GPC5: variants seen among roughly 807,000 people sequenced by gnomAD.
The protein encoded by GPC5 is glypican-5.
GPC5 carries 47 observed loss-of-function variants against 53.9 expected under a neutral mutation model. The ratio of observed to expected loss-of-function variants is 0.87; its 90% CI spans 0.69 to 1.11. The LOEUF (loss-of-function observed/expected upper bound fraction) is 1.11, where lower values mean the gene tolerates loss of function less well. GPC5 is among the 50% of genes most tolerant of loss of function. The probability of loss-of-function intolerance (pLI) is 0.00; values close to 1 mark genes in which losing one functional copy is unlikely to be tolerated. For missense variants in GPC5, 748 were observed against 713.1 expected (o/e 1.05, Z -0.56); for synonymous variants, 286 against 263.3 (o/e 1.09, Z -0.84).
chr13:92,072,854 A>G (rs2041224425), intron 6 of GPC5, among the ~76,000 whole-genome samples: 1 of 152,208 alleles, frequency 6.6e-6, no homozygotes, highest in Non-Finnish European at 1.5e-5. Flanking sequence ...TACAGGCATG[A>G]AGCACCATGA....
intron 7 of GPC5, among the ~76,000 whole-genome samples, chr13:92,255,674 T>G (rs9589464): frequency 0.015 from 2,253 of 152,266 alleles, 53 homozygotes; most frequent in African/African-American, 0.051. Context: ...ATTTCTTCAT[T>G]AGATCTCTTA....
At position 92,231,944 on chromosome 13, in the gene GPC5, C is replaced by A. The variant is rs141032915; in HGVS notation, c.1561+86955C>A. ...TCGCGCCACTGCATTCCAGTCTGGG[C>A]AGAAGAGCGAAACTCCATCTCAAAA... On this transcript the variant is annotated intron_variant, in intron 7 of 7. Transcript: ENST00000377067. 9.7e-3 allele frequency among the ~76,000 whole-genome samples: 1,480 copies of A among 152,154 alleles called. 26 individuals are homozygous for A. Among genetic ancestry groups the A allele is most frequent in the African/African-American group, 0.033 (1,390 of 41,522 alleles).
At chr13:92,375,547 G>A (rs902725000) in intron 7 of GPC5, among the ~76,000 whole-genome samples, 1 of 152,138 alleles carries the variant, frequency 6.6e-6, no homozygotes, top group African/African-American at 2.4e-5. Context: ...GCAGGCTTTG[G>A]TTTCTCGCTG....
chr13:92,056,168 T>G (rs1255146398), intron 6 of GPC5, among the ~76,000 whole-genome samples: 1 of 152,200 alleles, frequency 6.6e-6, no homozygotes, highest in African/African-American at 2.4e-5. Flanking sequence ...TTGTCTTCCT[T>G]CTGTAGGCTC....
At chr13:91,986,241 A>G (rs896228106) in intron 6 of GPC5, among the ~76,000 whole-genome samples, 2 of 151,178 alleles carry the variant, frequency 1.3e-5, no homozygotes, top group African/African-American at 2.4e-5. Context: ...AATTTTTTGT[A>G]TTTTTAGTAG....
chr13:92,535,854 T>C (rs1330222290), intron 7 of GPC5, among the ~76,000 whole-genome samples: 1 of 152,048 alleles, frequency 6.6e-6, no homozygotes, highest in African/African-American at 2.4e-5. Context: ...TATAGCAAGT[T>C]TGAGGACAAT....
intron 7 of GPC5, among the ~76,000 whole-genome samples, chr13:92,786,281 G>A (rs145342593): frequency 8.5e-5 from 13 of 152,226 alleles, no homozygotes; most frequent in African/African-American, 2.6e-4. Context: ...GAATTGCAGC[G>A]GTTTTGCGAA....
chr13:92,365,226 A>G (rs1380995086), intron 7 of GPC5, among the ~76,000 whole-genome samples: 2 of 151,804 alleles, frequency 1.3e-5, no homozygotes, highest in African/African-American at 2.4e-5. Flanking sequence ...AAACCTGCAT[A>G]GTACGTTATT....
chr13:92,417,260 A>T (rs1876352512), intron 7 of GPC5, among the ~76,000 whole-genome samples: 1 of 152,230 alleles, frequency 6.6e-6, no homozygotes, highest in Non-Finnish European at 1.5e-5. Flanking sequence ...AATATGTTCA[A>T]CATCCTTAGC....
At position 92,608,963 on chromosome 13, in the gene GPC5, A is replaced by G. The variant is rs1884346071; in HGVS notation, c.1562-257319A>G. Among the ~76,000 whole-genome samples the G allele has an allele frequency of 5.9e-5, 9 of 152,012 alleles. No homozygotes were observed. The South Asian group carries it at 1.9e-3, about 31-fold the overall frequency. On this transcript the variant is annotated intron_variant, in intron 7 of 7. Coordinates refer to ENST00000377067, the MANE Select transcript of GPC5 (RefSeq NM_004466.6). ...CTCTTTGTCATGAATATCCTTTCTT[A>G]CCTTGTCTGTTTTTCCTGTCTTGAA...
chr13:91,479,699 G>A lies in GPC5; in HGVS notation c.325+30777G>A, dbSNP rs561813315. On this transcript the variant is annotated intron_variant, in intron 2 of 7. Coordinates refer to ENST00000377067, the MANE Select transcript of GPC5 (RefSeq NM_004466.6). ...GTGCAAGTTCTAGGGATTAATAGGAGCTGTGTATAACAAAGACATTGAATT... is the reference window on the plus strand; with the variant it reads ...GTGCAAGTTCTAGGGATTAATAGGAACTGTGTATAACAAAGACATTGAATT... Among the ~76,000 whole-genome samples the A allele has an allele frequency of 2.0e-4, 30 of 152,158 alleles. No individual in the cohort carries two copies. The South Asian group carries it at 2.3e-3, about 12-fold the overall frequency.
intron 6 of GPC5, among the ~76,000 whole-genome samples, chr13:91,993,851 A>G (rs1249822941): frequency 1.3e-5 from 2 of 152,212 alleles, no homozygotes; most frequent in Non-Finnish European, 2.9e-5. Flanking sequence ...AAGCTAGAAA[A>G]TAAGAAAATG....
chr13:92,223,217 G>C (rs938045017), intron 7 of GPC5, among the ~76,000 whole-genome samples: 2 of 152,116 alleles, frequency 1.3e-5, no homozygotes, highest in Admixed American at 1.3e-4. Flanking sequence ...ATGGAAGTTG[G>C]ACTTAGGAAA....
intron 7 of GPC5, among the ~76,000 whole-genome samples, chr13:92,473,263 C>A (rs1327495408): frequency 6.6e-6 from 1 of 151,994 alleles, no homozygotes; most frequent in Non-Finnish European, 1.5e-5. Flanking sequence ...TAACCAATAG[C>A]CAATAAGATA....
At chr13:92,478,375 G>A (rs777990470) in intron 7 of GPC5, among the ~76,000 whole-genome samples, 27 of 152,200 alleles carry the variant, frequency 1.8e-4, no homozygotes, top group Non-Finnish European at 3.1e-4. Context: ...TTAGAAATCG[G>A]CTTTGAGTCT....
chr13:91,557,967 T>A (rs761004544), intron 2 of GPC5, among the ~76,000 whole-genome samples: 11 of 152,138 alleles, frequency 7.2e-5, no homozygotes, highest in Non-Finnish European at 1.5e-4. Flanking sequence ...GCTAAGTTTA[T>A]TAAGCCTTTT....
intron 6 of GPC5, among the ~76,000 whole-genome samples, chr13:91,939,957 C>T (rs907913532): frequency 2.0e-5 from 3 of 152,086 alleles, no homozygotes; most frequent in African/African-American, 7.2e-5. Context: ...CTGTTTAGAC[C>T]TCCCATCTTT....
chr13:91,574,656 C>T (rs759550093), intron 2 of GPC5, among the ~76,000 whole-genome samples: 14 of 152,038 alleles, frequency 9.2e-5, no homozygotes, highest in Admixed American at 3.3e-4. Flanking sequence ...GCATGCCTAG[C>T]GTGTGCCAAG....
intron 6 of GPC5, among the ~76,000 whole-genome samples, chr13:92,094,860 G>A (rs1213648055): frequency 6.6e-6 from 1 of 151,392 alleles, no homozygotes. Flanking sequence ...TTACTATATT[G>A]TATATAGTAA....
Sources: gnomAD v4.1 joint callset for allele counts (sites outside exome capture counted in the v4.1 genomes callset) on GRCh38, gnomAD v4.1.1 for gene constraint, MANE v1.5 for transcripts, NCBI Gene and HGNC (gene_info 2026-07-23, HGNC 2026-07-21) for gene names.